Variants in ANO2 observed in about 807,000 individuals in gnomAD.
ANO2 encodes the protein anoctamin 2.
A neutral mutation model predicts 124.2 loss-of-function variants in ANO2; 101 were observed. The ratio of observed to expected loss-of-function variants is 0.81; its 90% confidence interval spans 0.69 to 0.96. The LOEUF (loss-of-function observed/expected upper bound fraction) is 0.96, where lower values mean the gene tolerates loss of function less well. ANO2 is among the 40% of genes least tolerant of loss of function. The pLI is 0.00. For missense variants in ANO2, 1,293 were observed against 1,274.5 expected, an observed-to-expected ratio of 1.01 and a Z score of -0.22; for synonymous variants, 486 against 482.5, an observed-to-expected ratio of 1.01 and a Z score of -0.09.
rs1311215718 is a variant in ANO2, at chr12:5,921,376, G to C, written c.208-10C>G. ...GATAGTTGTTGATGACCTGGCCAGA[G>C]AGAGAGGAGAGGCAGGGCAAGGTCT... On this transcript the variant is annotated splice_polypyrimidine_tract_variant and intron_variant, in intron 2 of 24. Transcript: ENST00000682330. 1.4e-5 allele frequency: 22 copies of C among 1,610,962 alleles called. No individual in the cohort carries two copies. Among genetic ancestry groups the C allele is most frequent in the Non-Finnish European group, 1.8e-5 (21 of 1,178,016 alleles).
chr12:5,874,901 T>C (rs182158996), intron 3 of ANO2, among the ~76,000 whole-genome samples: 4 of 152,288 alleles, frequency 2.6e-5, no homozygotes, highest in East Asian at 3.9e-4. Context: ...AACTCTGATG[T>C]TGAGTCACAA....
intron 10 of ANO2, among the ~76,000 whole-genome samples, chr12:5,796,993 A>T (rs3782653): frequency 0.23 from 35,388 of 152,192 alleles, 4,310 homozygotes; most frequent in Middle Eastern, 0.28. Context: ...AGGAGCTGAA[A>T]ACCCAAAGAA....
chr12:5,607,058 C>G (rs1221893802), intron 19 of ANO2, among the ~76,000 whole-genome samples: 4 of 124,618 alleles, frequency 3.2e-5, no homozygotes, highest in Non-Finnish European at 7.0e-5. Context: ...AGACTTGCCT[C>G]TATTTAAAAA....
chr12:5,671,264 C>G (rs1053316177), intron 14 of ANO2, among the ~76,000 whole-genome samples: 2 of 151,990 alleles, frequency 1.3e-5, no homozygotes, highest in Admixed American at 6.6e-5. Context: ...TGCTGAGTCC[C>G]CAAAGCACTG....
chr12:5,663,085 G>C (rs915911300), intron 14 of ANO2, among the ~76,000 whole-genome samples: 2 of 152,188 alleles, frequency 1.3e-5, no homozygotes, highest in Non-Finnish European at 2.9e-5. Context: ...CCTCCTTCCT[G>C]CGTGGCCTGC....
chr12:5,921,408 T>C (rs1412989946), intron 2 of ANO2, 42 bp from the exon 3 acceptor site: 1 of 1,578,484 alleles, frequency 6.3e-7, no homozygotes, highest in Non-Finnish European at 8.6e-7. Flanking sequence ...GTCTGGTGAG[T>C]AAGGGGTGAG....
At chr12:5,639,767 G>A (rs1311227337) in intron 15 of ANO2, among the ~76,000 whole-genome samples, 1 of 152,180 alleles carries the variant, frequency 6.6e-6, no homozygotes, top group Non-Finnish European at 1.5e-5. Context: ...AGCCATCAGA[G>A]AGTTCTGAGC....
At chr12:5,860,642 T>C (rs1955238479) in intron 3 of ANO2, among the ~76,000 whole-genome samples, 1 of 152,218 alleles carries the variant, frequency 6.6e-6, no homozygotes, top group African/African-American at 2.4e-5. Flanking sequence ...TACCCTTAAG[T>C]GTCATTCTTG....
chr12:5,687,070 T>G (rs546767152), intron 14 of ANO2, among the ~76,000 whole-genome samples: 1 of 152,242 alleles, frequency 6.6e-6, no homozygotes, highest in Non-Finnish European at 1.5e-5. Flanking sequence ...ATCTAGGAAA[T>G]ATAGAAAATC....
chr12:5,568,867 T>A (rs1941938646), intron 23 of ANO2, among the ~76,000 whole-genome samples: 1 of 152,224 alleles, frequency 6.6e-6, no homozygotes. Flanking sequence ...AGCTTTCTCA[T>A]CTATAAAGTG....
At chr12:5,640,298 A>AG (rs1946272029) in intron 15 of ANO2, among the ~76,000 whole-genome samples, 1 of 152,220 alleles carries the variant, frequency 6.6e-6, no homozygotes, top group South Asian at 2.1e-4. Flanking sequence ...GAGATACGGT[A>AG]GGTGTCTTTG....
intron 4 of ANO2, among the ~76,000 whole-genome samples, chr12:5,840,308 T>C (rs1392435998): frequency 1.3e-5 from 2 of 152,186 alleles, no homozygotes; most frequent in Non-Finnish European, 2.9e-5. Flanking sequence ...TGTTACAGTC[T>C]AAGGGGTTTA....
At chr12:5,666,093 T>C (rs544728717) in intron 14 of ANO2, among the ~76,000 whole-genome samples, 2 of 152,264 alleles carry the variant, frequency 1.3e-5, no homozygotes, top group African/African-American at 4.8e-5. Context: ...TCTGGAATCC[T>C]GGACATGCCA....
At chr12:5,777,820 A>G (rs555298506) in intron 10 of ANO2, among the ~76,000 whole-genome samples, 16 of 152,184 alleles carry the variant, frequency 1.1e-4, no homozygotes, top group Non-Finnish European at 2.2e-4. Flanking sequence ...ACAGCCAGAA[A>G]AGCGACTGCA....
rs1375700899 is a variant in ANO2, at chr12:5,900,273, G to A, written c.534+20767C>T. On this transcript the variant is annotated intron_variant, in intron 3 of 24. Coordinates refer to ENST00000682330, the MANE Select transcript of ANO2 (RefSeq NM_001364791.2). This position sits in a 1 kb window ranked among gnomAD's most constrained non-coding sequence, Gnocchi z 4.2. The stretch of plus-strand genomic sequence containing the variant: ...CTAGCTCTGGCTCAAGGTAAAGAGT[G>A]AGGAAAAATGCAGGCAGGCTGAGAC... Among the ~76,000 whole-genome samples the A allele has an allele frequency of 6.6e-6, 1 of 152,200 alleles. No homozygotes were observed.
intron 14 of ANO2, among the ~76,000 whole-genome samples, chr12:5,671,278 A>T (rs2136987490): frequency 6.6e-6 from 1 of 152,266 alleles, no homozygotes; most frequent in African/African-American, 2.4e-5. Flanking sequence ...AGCACTGGGC[A>T]GGCATTGCTG....
chr12:5,830,948 CA>C (rs1954129752), intron 5 of ANO2, among the ~76,000 whole-genome samples: 1 of 152,014 alleles, frequency 6.6e-6, no homozygotes, highest in Non-Finnish European at 1.5e-5. Flanking sequence ...AAATACAAAA[CA>C]AAAAGGGTAT....
intron 10 of ANO2, among the ~76,000 whole-genome samples, chr12:5,768,587 G>C (rs925234898): frequency 1.3e-5 from 2 of 152,180 alleles, no homozygotes; most frequent in Non-Finnish European, 2.9e-5. Context: ...AGACGTGCAC[G>C]GAGGACTCAC....
At chr12:5,821,485 T>C (rs1488350906) in intron 7 of ANO2, among the ~76,000 whole-genome samples, 2 of 152,228 alleles carry the variant, frequency 1.3e-5, no homozygotes, top group East Asian at 1.9e-4. Flanking sequence ...CAGGCTGCTG[T>C]GCAAGCTGTT....
Sources: gnomAD v4.1 joint callset for allele counts (sites outside exome capture counted in the v4.1 genomes callset) on GRCh38, gnomAD v4.1.1 for gene constraint, Gnocchi (gnomAD v3.1) non-coding constraint, MANE v1.5 for transcripts, NCBI Gene and HGNC (gene_info 2026-07-23, HGNC 2026-07-21) for gene names.